Variants in PPM1L observed in about 807,000 individuals in gnomAD.
PPM1L encodes protein phosphatase 1L.
Under a neutral mutation model 31.4 loss-of-function variants are expected in PPM1L, and 13 were observed. The ratio of observed to expected loss-of-function variants is 0.41; its 90% CI spans 0.27 to 0.66. The LOEUF (loss-of-function observed/expected upper bound fraction) is 0.66, where lower values mean the gene tolerates loss of function less well. Among genes scored for constraint, PPM1L ranks in the 30% least tolerant of loss-of-function variants. PPM1L has a pLI of 0.29. For missense variants in PPM1L, 326 were observed against 453.7 expected, an observed-to-expected ratio of 0.72 and a Z score of 2.56; for synonymous variants, 184 against 175.4, an observed-to-expected ratio of 1.05 and a Z score of -0.39.
intron 1 of PPM1L, among the ~76,000 whole-genome samples, chr3:160,880,130 T>A (rs1226100344): frequency 6.6e-6 from 1 of 152,118 alleles, no homozygotes; most frequent in African/African-American, 2.4e-5. Flanking sequence ...AGAGAGGAAA[T>A]TATACCATCT....
intron 2 of PPM1L, among the ~76,000 whole-genome samples, chr3:161,057,760 A>G (rs973587593): frequency 2.8e-4 from 43 of 151,986 alleles, no homozygotes; most frequent in Admixed American, 7.9e-4. Context: ...GTGTTCTCCC[A>G]TTTGTCACAA....
chr3:161,023,855 T>C (rs2108074252), intron 2 of PPM1L, among the ~76,000 whole-genome samples: 1 of 152,304 alleles, frequency 6.6e-6, no homozygotes, highest in East Asian at 1.9e-4. Context: ...TAAAGTCATC[T>C]AGAGGTAATA....
At chr3:160,869,274 G>A (rs535514153) in intron 1 of PPM1L, among the ~76,000 whole-genome samples, 5 of 152,128 alleles carry the variant, frequency 3.3e-5, no homozygotes, top group Non-Finnish European at 7.3e-5. Context: ...GAGCAGCAGC[G>A]TAGAGGTAGG....
At chr3:160,995,400 A>G (rs1448898881) in intron 2 of PPM1L, among the ~76,000 whole-genome samples, 1 of 152,046 alleles carries the variant, frequency 6.6e-6, no homozygotes, top group Admixed American at 6.6e-5. Flanking sequence ...GACTTACTGC[A>G]ACCTCCACCT....
chr3:160,756,789 G>A lies in PPM1L; in HGVS notation c.399+82G>A, dbSNP rs1031396611. 29 of 1,285,782 alleles carry A rather than the reference G, an allele frequency of 2.3e-5. No individual in the cohort carries two copies. Among genetic ancestry groups the A allele is most frequent in the Admixed American group, 4.4e-5 (2 of 45,032 alleles). The allele number at this position is 1,285,782 out of a possible 1,614,324, so 79.6% of individuals were successfully genotyped here. A position where few individuals can be genotyped will look rare whatever the true frequency, so the allele number is the denominator to read the frequency against. On this transcript the variant is annotated intron_variant, in intron 1 of 3. Coordinates refer to ENST00000498165, the MANE Select transcript of PPM1L (RefSeq NM_139245.4). The surrounding 1 kb of genome is among the most constrained non-coding windows in gnomAD (Gnocchi z 6.2). ...TGTGTGTGTGTGTGTGTGTGTGTGT[G>A]TATAAACAACAGGACAGCGTGTGCG... is the stretch of plus-strand genomic sequence containing the variant.
At chr3:161,038,233 C>CAAAAAA (rs71628440) in intron 2 of PPM1L, among the ~76,000 whole-genome samples, 13 of 88,906 alleles carry the variant, frequency 1.5e-4, no homozygotes, top group African/African-American at 3.8e-4. Context: ...GACTCCGTCT[C>CAAAAAA]AAAAAAAAAA....
chr3:160,961,847 C>A lies in PPM1L; in HGVS notation c.511C>A (p.Gln171Lys). The change falls in exon 2 of 4, where the codon CAG becomes AAG. Residue 171 changes from glutamine to lysine, a missense_variant. This residue lies in a region of PPM1L where 201 missense variants were observed against 298.2 expected (regional missense o/e 0.67). Transcript: ENST00000498165. ...SVLSYQTILE[Q>K]QILSIDREML... ...ATTATCTTACCAGACCATCCTTGAA[C>A]AGCAGATTTTGTCAATTGACCGAGA... 1 of 1,596,804 alleles carries A rather than the reference C, an allele frequency of 6.3e-7. No individual in the cohort carries two copies. The highest frequency in any genetic ancestry group is 8.5e-7 in the Non-Finnish European group (1 of 1,172,406).
At chr3:161,033,805 C>T (rs1340219810) in intron 2 of PPM1L, among the ~76,000 whole-genome samples, 1 of 152,110 alleles carries the variant, frequency 6.6e-6, no homozygotes, top group Non-Finnish European at 1.5e-5. Context: ...GACTAAAACA[C>T]CAAAAGCAAT....
At chr3:160,929,747 C>T (rs182158195) in intron 1 of PPM1L, among the ~76,000 whole-genome samples, 22 of 152,340 alleles carry the variant, frequency 1.4e-4, no homozygotes, top group Admixed American at 1.0e-3. Context: ...CTGGCAGGAT[C>T]GAAGTGGCTT....
chr3:160,865,045 T>G (rs77516041), intron 1 of PPM1L, among the ~76,000 whole-genome samples: 1,757 of 151,706 alleles, frequency 0.012, 41 homozygotes, highest in African/African-American at 0.04. Context: ...AAAACAAAAT[T>G]TAAAAATTCT....
chr3:160,920,927 G>T (rs1261743182), intron 1 of PPM1L, among the ~76,000 whole-genome samples: 2 of 152,070 alleles, frequency 1.3e-5, no homozygotes, highest in African/African-American at 4.8e-5. Flanking sequence ...TGAGACAGCA[G>T]CACAGTAGTG....
intron 1 of PPM1L, among the ~76,000 whole-genome samples, chr3:160,810,550 T>C (rs998745749): frequency 6.6e-6 from 1 of 152,158 alleles, no homozygotes; most frequent in Admixed American, 6.5e-5. Context: ...TGGGCATGAA[T>C]CAGCAGAGTT....
chr3:160,800,611 A>G (rs769021469), intron 1 of PPM1L, among the ~76,000 whole-genome samples: 28 of 152,034 alleles, frequency 1.8e-4, no homozygotes, highest in Non-Finnish European at 4.1e-4. Context: ...GTAATATTTT[A>G]ACAGCCAAAG....
At chr3:161,063,329 CT>C (rs35708710) in intron 2 of PPM1L, among the ~76,000 whole-genome samples, 15 of 151,842 alleles carry the variant, frequency 9.9e-5, no homozygotes, top group East Asian at 1.9e-4. Flanking sequence ...TGAAATTAGT[CT>C]TTTTTTTCCC....
chr3:160,909,638 CCAAA>C (rs1361151836), intron 1 of PPM1L, among the ~76,000 whole-genome samples: 3 of 152,086 alleles, frequency 2.0e-5, no homozygotes, highest in South Asian at 2.1e-4. Context: ...GAAAAAAGGA[CCAAA>C]CAGAGAACTG....
chr3:160,989,720 C>T (rs933505293), intron 2 of PPM1L, among the ~76,000 whole-genome samples: 6 of 152,220 alleles, frequency 3.9e-5, no homozygotes, highest in Middle Eastern at 3.4e-3. Flanking sequence ...AATGCAGTGG[C>T]GTGATCATAG....
At chr3:160,973,765 T>TTTTTTTTTTG (rs1716439770) in intron 2 of PPM1L, among the ~76,000 whole-genome samples, 2 of 26,126 alleles carry the variant, frequency 7.7e-5, no homozygotes, top group Non-Finnish European at 1.1e-4. Context: ...AAAGGCCCTG[T>TTTTTTTTTTG]TTTTTTTTTT....
intron 2 of PPM1L, among the ~76,000 whole-genome samples, chr3:160,970,815 G>T (rs1315210979): frequency 1.1e-4 from 5 of 47,382 alleles, no homozygotes; most frequent in East Asian, 9.1e-4. Flanking sequence ...TTTTTGAGAC[G>T]GAGTCTCGCT....
intron 1 of PPM1L, among the ~76,000 whole-genome samples, chr3:160,923,634 T>C (rs1038700397): frequency 6.6e-6 from 1 of 152,174 alleles, no homozygotes; most frequent in Non-Finnish European, 1.5e-5. Context: ...GAATATTAAA[T>C]AGAAAAGTAG....
Sources: allele counts gnomAD v4.1 joint callset (sites outside exome capture counted in the v4.1 genomes callset), GRCh38; gene constraint gnomAD v4.1.1; regional missense constraint gnomAD v4.1.1; non-coding constraint Gnocchi (gnomAD v3.1); transcripts MANE v1.5; gene names NCBI Gene and HGNC (gene_info 2026-07-23, HGNC 2026-07-21).